SPTBN5: variants seen among roughly 807,000 people sequenced by gnomAD.
SPTBN5 encodes spectrin beta chain, non-erythrocytic 5.
SPTBN5 carries 513 observed loss-of-function variants against 477.6 expected under a neutral mutation model. The ratio of observed to expected loss-of-function variants is 1.07; its 90% confidence interval spans 1.00 to 1.16. SPTBN5 has a LOEUF of 1.16. Among genes scored for constraint, SPTBN5 ranks in the 50% most tolerant of loss-of-function variants. SPTBN5 has a pLI of 0.00. For synonymous variants in SPTBN5, 2,169 were observed against 2,011.7 expected (o/e 1.08, Z -2.09); for missense variants, 5,062 against 4,731.8 (o/e 1.07, Z -2.05).
At chr15:41,880,389 T>A in intron 13 of SPTBN5, 77 bp from the exon 14 acceptor site, 1 of 1,432,714 alleles carries the variant, frequency 7.0e-7, no homozygotes, top group Non-Finnish European at 9.3e-7. Context: ...AAAGGGGTGC[T>A]CCTCCCCATC....
rs1230047014 is a variant in SPTBN5 at position 41,856,526 on chromosome 15, G to GC, written c.8880dup (p.Gln2961AlafsTer47). 6.2e-7 allele frequency: 1 copy of GC among 1,601,528 alleles called. No individual in the cohort carries two copies. Among genetic ancestry groups the GC allele is most frequent in the Non-Finnish European group, 8.5e-7 (1 of 1,175,766 alleles). On this transcript the variant is annotated frameshift_variant, in exon 53 of 68. Transcript: ENST00000320955. LOFTEE classifies it high-confidence loss of function. ...TCGTGGGCGGCAAAGTGCCCAGCCTGCACCAGCTTGTACCCAGTGCCCAGC... is the reference window on the plus strand; with the variant it reads ...TCGTGGGCGGCAAAGTGCCCAGCCTGCCACCAGCTTGTACCCAGTGCCCAGC...
At chr15:41,874,715 C>G (rs1314520615) in intron 23 of SPTBN5, 127 bp downstream of exon 23, 1 of 1,038,910 alleles carries the variant, frequency 9.6e-7, no homozygotes. Flanking sequence ...TCCGACCCTC[C>G]CATCCCAGAA....
Position 41,883,794 on chromosome 15 carries a change from T to A in SPTBN5, c.1521-308A>T, listed in dbSNP as rs866815605. Among the ~76,000 whole-genome samples the A allele has an allele frequency of 4.0e-3, 515 of 130,354 alleles. 3 individuals are homozygous for A. The highest frequency in any genetic ancestry group is 0.019 in the African/African-American group (490 of 25,326). The allele number at this position is 130,354 out of a possible 152,430, so 85.5% of individuals were successfully genotyped here. A position where few individuals can be genotyped will look rare whatever the true frequency, so the allele number is the denominator to read the frequency against. Reference sequence around the variant, plus strand: ...CCTTCCAGGCGCCCAGACTAAAATCTTTTTTTTTTTCTTTTGAGACAGAAT... The same window carrying A: ...CCTTCCAGGCGCCCAGACTAAAATCATTTTTTTTTTCTTTTGAGACAGAAT... On this transcript the variant is annotated intron_variant, in intron 7 of 67. Coordinates refer to ENST00000320955, the MANE Select transcript of SPTBN5 (RefSeq NM_016642.4).
chr15:41,880,317 G>C lies in SPTBN5; in HGVS notation c.2659-5C>G, dbSNP rs531436757. ...CTCCAACCGGGCCCTGCGGAGCTGG[G>C]GAGAGGTGGCCCAAGGCTGGGGTGA... On this transcript the variant is annotated splice_polypyrimidine_tract_variant and splice_region_variant and intron_variant, in intron 13 of 67. Coordinates refer to ENST00000320955, the MANE Select transcript of SPTBN5 (RefSeq NM_016642.4). 237 of 1,596,676 alleles carry C rather than the reference G, an allele frequency of 1.5e-4. No homozygotes were observed. Among genetic ancestry groups the C allele is most frequent in the Non-Finnish European group, 1.9e-4 (226 of 1,172,870 alleles).
chr15:41,869,323 C>G (rs2140940068), intron 32 of SPTBN5, among the ~76,000 whole-genome samples: 1 of 152,328 alleles, frequency 6.6e-6, no homozygotes, highest in African/African-American at 2.4e-5. Flanking sequence ...GGTCCCAGGA[C>G]AGTGGGATGC....
rs201291451 is a variant in SPTBN5, at chr15:41,873,494, G to C, written c.5005C>G (p.Gln1669Glu). 282 of 1,550,512 alleles carry C rather than the reference G, an allele frequency of 1.8e-4. 2 individuals carry two copies. The highest frequency in any genetic ancestry group is 1.2e-3 in the South Asian group (99 of 84,060). The change falls in exon 26 of 68, where the codon CAG becomes GAG. Residue 1669 changes from glutamine (Q) to glutamate (E), a missense_variant and splice_region_variant. Transcript: ENST00000320955. ...AATLRLINKH[Q>E]ALQEELAIYW... The stretch of plus-strand genomic sequence containing the variant: ...AGGGGAGGCTCAGGACGTGGTACCT[G>C]GTGCTTGTTAATGAGCCTGAGGGTG...
At chr15:41,848,995 G>A (rs1489391092) in intron 67 of SPTBN5, among the ~76,000 whole-genome samples, 3 of 152,236 alleles carry the variant, frequency 2.0e-5, no homozygotes, top group Admixed American at 6.5e-5. Context: ...CTGCAGGACT[G>A]GGAGCAGATG....
intron 25 of SPTBN5, 41 bp downstream of exon 25, chr15:41,873,804 A>T (rs2066621608): frequency 1.2e-6 from 2 of 1,602,498 alleles, no homozygotes; most frequent in Non-Finnish European, 8.5e-7. Context: ...AGGAGCCCTG[A>T]CTTCTGCCTC....
At chr15:41,852,136 A>C (rs763523215) in intron 62 of SPTBN5, 46 bp downstream of exon 62, 1 of 1,538,190 alleles carries the variant, frequency 6.5e-7, no homozygotes, top group Non-Finnish European at 8.8e-7. Flanking sequence ...TGCATGCTTC[A>C]GGGAGACCAC....
Position 41,892,853 on chromosome 15 carries a change from C to A in SPTBN5, c.384+41G>T, listed in dbSNP as rs763016144. On this transcript the variant is annotated intron_variant, in intron 3 of 67. Transcript: ENST00000320955. Reference sequence around the variant, plus strand: ...CAGTAGTTCAGCCTGTCCCAGCTGCCTGCCCCAGCACCATCCCAGACCCCT... The same window carrying A: ...CAGTAGTTCAGCCTGTCCCAGCTGCATGCCCCAGCACCATCCCAGACCCCT... The A allele has an allele frequency of 5.2e-6, 8 of 1,536,878 alleles. No homozygotes were observed. The Admixed American group carries it at 1.7e-4, about 32-fold the overall frequency.
rs905749350 is a variant in SPTBN5 at position 41,873,476 on chromosome 15, G to A, written c.5007+16C>T. ...TCACCCAGACCACACTGCAGGGGAG[G>A]CTCAGGACGTGGTACCTGGTGCTTG... On this transcript the variant is annotated intron_variant, in intron 26 of 67. Transcript: ENST00000320955. 6.5e-7 allele frequency: 1 copy of A among 1,535,110 alleles called. No homozygotes were observed.
chr15:41,879,310 C>G lies in SPTBN5; in HGVS notation c.3132G>C (p.Lys1044Asn), dbSNP rs750646546. 60 of 1,611,644 alleles carry G rather than the reference C, an allele frequency of 3.7e-5. No individual in the cohort carries two copies. The South Asian group carries it at 6.0e-4, about 16-fold the overall frequency. Residue 1044 changes from lysine (K) to asparagine (N), a missense_variant, in exon 16 of 68, where the codon AAG becomes AAC. Coordinates refer to ENST00000320955, the MANE Select transcript of SPTBN5 (RefSeq NM_016642.4). ...TCHALQLAQK[K>N]TLVLERRVHF... ...GGACCCTCCTCTCCAGCACCAGGGT[C>G]TTCTTCTGGGCCAGCTGCAGGGCGT...
chr15:41,870,397 G>A (rs1279163735), intron 30 of SPTBN5, 44 bp from the exon 31 acceptor site: 1 of 1,607,156 alleles, frequency 6.2e-7, no homozygotes, highest in Non-Finnish European at 8.5e-7. Flanking sequence ...TGGAGCGTGG[G>A]CACTGAGCCT....
At chr15:41,853,837 C>G (rs753989866) in intron 57 of SPTBN5, 50 bp from the exon 58 acceptor site, 8 of 1,491,930 alleles carry the variant, frequency 5.4e-6, no homozygotes, top group African/African-American at 2.8e-5. Flanking sequence ...TGAGCCGATG[C>G]GTGCTCTGCA....
rs2065807806 is a variant in SPTBN5, at chr15:41,852,736, C to T, written c.10348-1G>A. 6.3e-7 allele frequency: 1 copy of T among 1,599,626 alleles called. No individual in the cohort carries two copies. The highest frequency in any genetic ancestry group is 8.5e-7 in the Non-Finnish European group (1 of 1,170,278). On this transcript the variant is annotated splice_acceptor_variant, in intron 60 of 67. Coordinates refer to ENST00000320955, the MANE Select transcript of SPTBN5 (RefSeq NM_016642.4). LOFTEE classifies it high-confidence loss of function. ...GCAACTCCACATCTGACACTGAGTG[C>T]TGGGGAGAAGCATGTTCAGGTGACG...
Position 41,862,879 on chromosome 15 carries a change from A to C in SPTBN5, c.7174T>G (p.Cys2392Gly). 1 of 1,585,928 alleles carries C rather than the reference A, an allele frequency of 6.3e-7. No individual in the cohort carries two copies. Among genetic ancestry groups the C allele is most frequent in the Non-Finnish European group, 8.6e-7 (1 of 1,166,758 alleles). The change falls in exon 42 of 68, where the codon TGT (cysteine) becomes GGT (glycine). Residue 2392 changes from cysteine to glycine, a missense_variant. Physicochemically the swap from Cys to Gly is radical, Grantham distance 159. Coordinates refer to ENST00000320955, the MANE Select transcript of SPTBN5 (RefSeq NM_016642.4). Reference protein sequence around the residue: ...EKEALIQALDCGKDLESVQRL... With the variant: ...EKEALIQALDGGKDLESVQRL... ...TGCACGCTCTCCAGATCTTTCCCAC[A>C]GTCCAGGGCCTGGATCAGGGCTTCC...
In SPTBN5 at chr15:41,872,461, TATGATGC is replaced by T; in HGVS notation, c.5008-9_5008-3del. 1 of 1,553,704 alleles carries T rather than the reference TATGATGC, an allele frequency of 6.4e-7. No individual in the cohort carries two copies. The highest frequency in any genetic ancestry group is 8.7e-7 in the Non-Finnish European group (1 of 1,148,940). On this transcript the variant is annotated splice_region_variant and splice_polypyrimidine_tract_variant and intron_variant, in intron 26 of 67. Transcript: ENST00000320955. ...AATGGCTAGTTCCTCCTGTAGAGCCTATGATGCATGAGGACCCATGCCAGGCTCAGCC... is the reference window on the plus strand; with the variant it reads ...AATGGCTAGTTCCTCCTGTAGAGCCTATGAGGACCCATGCCAGGCTCAGCC...
intron 57 of SPTBN5, 118 bp from the exon 58 acceptor site, chr15:41,853,905 C>T (rs2065855865): frequency 7.0e-7 from 1 of 1,428,710 alleles, no homozygotes; most frequent in Non-Finnish European, 9.3e-7. Flanking sequence ...CAAGCTGGGC[C>T]AAGTCCTAGG....
In SPTBN5 at chr15:41,872,058, G is replaced by C. The variant is rs375045632; in HGVS notation, c.5166-141C>G. 12 of 1,194,610 alleles carry C rather than the reference G, an allele frequency of 1.0e-5. No individual in the cohort carries two copies. The East Asian group carries it at 1.3e-4, about 13-fold the overall frequency. The allele number at this position is 1,194,610 out of a possible 1,614,324, so 74.0% of individuals were successfully genotyped here. On this transcript the variant is annotated intron_variant, in intron 27 of 67. Coordinates refer to ENST00000320955, the MANE Select transcript of SPTBN5 (RefSeq NM_016642.4). The stretch of plus-strand genomic sequence containing the variant: ...CCTGCGGCTCACGATTCAGGGAGTA[G>C]TAGACACAGCAGTGCAGGTGTAGGG...
Sources: gnomAD v4.1 joint callset for allele counts (sites outside exome capture counted in the v4.1 genomes callset) on GRCh38, gnomAD v4.1.1 for gene constraint, MANE v1.5 for transcripts, NCBI Gene and HGNC (gene_info 2026-07-23, HGNC 2026-07-21) for gene names.